Variants in FER1L5 observed in about 807,000 individuals in gnomAD.
The protein encoded by FER1L5 is fer-1 like family member 5, also known as fer-1-like protein 5.
A neutral mutation model predicts 279.9 loss-of-function variants in FER1L5; 187 were observed. The ratio of observed to expected loss-of-function variants is 0.67; its 90% CI spans 0.59 to 0.75. The LOEUF (loss-of-function observed/expected upper bound fraction) is 0.75. Among genes scored for constraint, FER1L5 ranks in the 30% least tolerant of loss-of-function variants. The pLI, the probability that FER1L5 is intolerant of heterozygous loss-of-function variation, is 0.00. For missense variants in FER1L5, 2,091 were observed against 2,594.4 expected (o/e 0.81, Z 4.21); for synonymous variants, 921 against 989.7 (o/e 0.93, Z 1.30).
In FER1L5 at chr2:96,703,619, C is replaced by G. The variant is rs1281220751; in HGVS notation, c.5788C>G (p.Leu1930Val). Residue 1930 changes from leucine to valine, a missense_variant, in exon 51 of 53, where the codon CTT becomes GTT. Physicochemically the swap from Leu to Val is conservative, Grantham distance 32. Transcript: ENST00000624922. ...GQSEPNQYPT[L>V]HPPLRTNTSF... ...GTCGGAACCCAACCAGTACCCCACA[C>G]TTCATCCTCCCCTGTAAGGGTCCTT... 6.2e-7 allele frequency: 1 copy of G among 1,613,800 alleles called. No individual in the cohort carries two copies. Among genetic ancestry groups the G allele is most frequent in the Non-Finnish European group, 8.5e-7 (1 of 1,179,882 alleles).
Position 96,689,830 on chromosome 2 carries a change from G to A in FER1L5, c.2640+72G>A. On this transcript the variant is annotated intron_variant, in intron 26 of 52. Coordinates refer to ENST00000624922, the MANE Select transcript of FER1L5 (RefSeq NM_001293083.2). This position sits in a 1 kb window ranked among gnomAD's most constrained non-coding sequence, Gnocchi z 4.6. ...CCAGGCGGGGCGCCTTGGAAGCTGG[G>A]GGTCCCAGTGGAAAGGGTCTGAGCC... The A allele has an allele frequency of 1.5e-6, 2 of 1,310,158 alleles. No individual in the cohort carries two copies. The highest frequency in any genetic ancestry group is 2.1e-6 in the Non-Finnish European group (2 of 960,716). 81.2% of individuals were successfully genotyped at this position (1,310,158 alleles called of 1,614,324 possible). A position where few individuals can be genotyped will look rare whatever the true frequency, so the allele number is the denominator to read the frequency against.
chr2:96,670,864 G>A (rs1326728522), intron 18 of FER1L5, among the ~76,000 whole-genome samples: 1 of 151,952 alleles, frequency 6.6e-6, no homozygotes. Flanking sequence ...CAGCACTTTG[G>A]GAGGCTCAGG....
Position 96,655,790 on chromosome 2 carries a change from G to A in FER1L5, c.747+1294G>A, listed in dbSNP as rs745515920. Among the ~76,000 whole-genome samples the A allele has an allele frequency of 9.9e-5, 15 of 152,088 alleles. No individual in the cohort carries two copies. In the East Asian group the frequency reaches 2.5e-3, roughly 25 times the overall value. On this transcript the variant is annotated intron_variant, in intron 9 of 52. Coordinates refer to ENST00000624922, the MANE Select transcript of FER1L5 (RefSeq NM_001293083.2). ...AGTGGTGCAATCCCGGCTCACTGCA[G>A]CCTTGAACTCCTGGGCTCAAGCAAT...
intron 19 of FER1L5, among the ~76,000 whole-genome samples, chr2:96,679,255 C>T (rs1021073773): frequency 8.0e-5 from 12 of 150,818 alleles, no homozygotes; most frequent in African/African-American, 2.2e-4. Flanking sequence ...GATGGCGTCT[C>T]GCTCCCTCAC....
At chr2:96,692,042 GCAGT>G in intron 30 of FER1L5, 58 bp from the exon 31 acceptor site, 2 of 1,532,666 alleles carry the variant, frequency 1.3e-6, no homozygotes, top group Non-Finnish European at 1.8e-6. Flanking sequence ...CAGGGTGGGG[GCAGT>G]CAGAGGGAGC....
At chr2:96,651,542 C>A (rs1347201378) in intron 6 of FER1L5, among the ~76,000 whole-genome samples, 1 of 146,340 alleles carries the variant, frequency 6.8e-6, no homozygotes, top group African/African-American at 2.5e-5. Context: ...TGCTCTGTTG[C>A]CCAGGCTGGA....
Position 96,685,440 on chromosome 2 carries a change from G to A in FER1L5, c.1895+11G>A. ...GGCAGAGGACTGCAAGTAGGAGTAG[G>A]GGCACTCCGGGATACAGCTGGCCTG... On this transcript the variant is annotated intron_variant, in intron 21 of 52. Coordinates refer to ENST00000624922, the MANE Select transcript of FER1L5 (RefSeq NM_001293083.2). 1.3e-6 allele frequency: 2 copies of A among 1,547,000 alleles called. No homozygotes were observed. Among genetic ancestry groups the A allele is most frequent in the South Asian group, 2.4e-5 (2 of 83,818 alleles).
Position 96,691,370 on chromosome 2 carries a change from C to T in FER1L5, c.2907+17C>T, listed in dbSNP as rs144918955. ...CTGCAGCTGGTGAGGGGTCGACGGG[C>T]GCCCTGGCTGGGACTGCGGGCAGGG... On this transcript the variant is annotated intron_variant, in intron 28 of 52. Coordinates refer to ENST00000624922, the MANE Select transcript of FER1L5 (RefSeq NM_001293083.2). This position sits in a 1 kb window ranked among gnomAD's most constrained non-coding sequence, Gnocchi z 6.0. 4 of 1,545,300 alleles carry T rather than the reference C, an allele frequency of 2.6e-6. No individual in the cohort carries two copies. The highest frequency in any genetic ancestry group is 2.5e-5 in the East Asian group (1 of 40,802).
At chr2:96,657,446 C>A (rs1433754302) in intron 9 of FER1L5, among the ~76,000 whole-genome samples, 1 of 151,968 alleles carries the variant, frequency 6.6e-6, no homozygotes, top group African/African-American at 2.4e-5. Context: ...TTAAAATGTA[C>A]AATTTGATAT....
intron 1 of FER1L5, among the ~76,000 whole-genome samples, chr2:96,645,842 AAAATG>A (rs1256111181): frequency 1.3e-5 from 2 of 152,152 alleles, no homozygotes; most frequent in Non-Finnish European, 2.9e-5. Context: ...ACAAAGAAAG[AAAATG>A]AAATGAACAT....
intron 19 of FER1L5, among the ~76,000 whole-genome samples, chr2:96,676,587 A>G (rs1446682734): frequency 6.6e-6 from 1 of 151,282 alleles, no homozygotes; most frequent in Non-Finnish European, 1.5e-5. Flanking sequence ...TCTACAAAAA[A>G]GGCCACTGGA....
intron 32 of FER1L5, 67 bp from the exon 33 acceptor site, chr2:96,693,844 G>A (rs2077252521): frequency 1.3e-6 from 2 of 1,485,902 alleles, no homozygotes; most frequent in East Asian, 2.5e-5. Flanking sequence ...CCCTTGCCTT[G>A]AGAAGCCCAG....
chr2:96,643,026 G>T, intron 1 of FER1L5, 105 bp downstream of exon 1: 1 of 931,288 alleles, frequency 1.1e-6, no homozygotes. Flanking sequence ...AAGATGCCCT[G>T]TGTAACACAA....
intron 19 of FER1L5, among the ~76,000 whole-genome samples, chr2:96,680,052 C>T (rs542135605): frequency 2.6e-4 from 39 of 152,254 alleles, no homozygotes; most frequent in East Asian, 5.8e-4. Flanking sequence ...TCTTGCTAGT[C>T]GTGTCCCGCA....
intron 19 of FER1L5, among the ~76,000 whole-genome samples, chr2:96,680,141 T>C (rs1353597723): frequency 6.6e-6 from 1 of 152,092 alleles, no homozygotes; most frequent in Non-Finnish European, 1.5e-5. Flanking sequence ...ACGTGTATTT[T>C]GAGTCTGCAG....
chr2:96,653,593 A>AG, intron 7 of FER1L5, 47 bp from the exon 8 acceptor site: 2 of 1,402,116 alleles, frequency 1.4e-6, no homozygotes, highest in Non-Finnish European at 2.0e-6. Flanking sequence ...GCTTGGGTGA[A>AG]GTGGCGGAAG....
At chr2:96,647,756 C>T in intron 3 of FER1L5, 22 bp from the exon 4 acceptor site, 1 of 1,523,518 alleles carries the variant, frequency 6.6e-7, no homozygotes. Flanking sequence ...CAGGATCTCA[C>T]ATCTGCTCCT....
intron 8 of FER1L5, 30 bp downstream of exon 8, chr2:96,653,732 T>G: frequency 6.5e-7 from 1 of 1,530,002 alleles, no homozygotes; most frequent in Non-Finnish European, 8.9e-7. Flanking sequence ...CCCAGCAAGG[T>G]GGGTTTCTTG....
intron 14 of FER1L5, among the ~76,000 whole-genome samples, chr2:96,665,659 C>T (rs2076102330): frequency 6.6e-6 from 1 of 151,288 alleles, no homozygotes. Flanking sequence ...GGCTGGAGTG[C>T]AATGGCGCGA....
Sources: allele counts gnomAD v4.1 joint callset (sites outside exome capture counted in the v4.1 genomes callset), GRCh38; gene constraint gnomAD v4.1.1; non-coding constraint Gnocchi (gnomAD v3.1); transcripts MANE v1.5; gene names NCBI Gene and HGNC (gene_info 2026-07-23, HGNC 2026-07-21).